Variants in CACNA1E observed in about 807,000 individuals in gnomAD.
CACNA1E encodes the protein calcium voltage-gated channel subunit alpha1 E, also known as voltage-dependent R-type calcium channel subunit alpha-1E.
CACNA1E carries 40 observed loss-of-function variants against 259.2 expected under a neutral mutation model. That is an observed-to-expected ratio of 0.15 (90% CI 0.12 to 0.20). The LOEUF is 0.20. CACNA1E is among the 10% of genes least tolerant of loss of function. The pLI is 1.00. For missense variants in CACNA1E, 1,874 were observed against 3,040.1 expected (o/e 0.62, Z 9.02); for synonymous variants, 1,104 against 1,138.5 (o/e 0.97, Z 0.61).
intron 6 of CACNA1E, among the ~76,000 whole-genome samples, chr1:181,645,712 A>C (rs1033850351): frequency 1.3e-5 from 2 of 152,218 alleles, no homozygotes; most frequent in Non-Finnish European, 2.9e-5. Flanking sequence ...TTGTGTGCTC[A>C]CTTGCTTCAT....
At chr1:181,394,036 T>C (rs758502692) in intron 1 of CACNA1E, among the ~76,000 whole-genome samples, 33 of 152,270 alleles carry the variant, frequency 2.2e-4, no homozygotes, top group Admixed American at 3.9e-4. Flanking sequence ...GCCTGTAAGG[T>C]ACCCTGCAAG....
At chr1:181,464,998 G>A (rs1473134404) in intron 2 of CACNA1E, among the ~76,000 whole-genome samples, 1 of 151,896 alleles carries the variant, frequency 6.6e-6, no homozygotes, top group African/African-American at 2.4e-5. Context: ...CCATTTTCTT[G>A]CAGACCATTC....
chr1:181,766,599 C>T lies in CACNA1E; in HGVS notation c.4869C>T (p.Ile1623=). The part of the protein sequence containing the change: ...LIAMLFFIYA[I]IGMQVFGNIK... The stretch of plus-strand genomic sequence containing the variant: ...CCATGCTTTTCTTCATTTATGCCAT[C>T]ATTGGGATGCAGGTGAGCTGGTAAA... Residue 1623 remains isoleucine, a synonymous_variant, in exon 35 of 48, where the codon ATC becomes ATT. Transcript: ENST00000367573. 2 of 1,612,350 alleles carry T rather than the reference C, an allele frequency of 1.2e-6. No homozygotes were observed. The highest frequency in any genetic ancestry group is 1.7e-6 in the Non-Finnish European group (2 of 1,178,608).
chr1:181,728,715 T>C (rs1025468431), intron 18 of CACNA1E, among the ~76,000 whole-genome samples: 5 of 152,008 alleles, frequency 3.3e-5, no homozygotes, highest in Non-Finnish European at 1.5e-5. Flanking sequence ...GTGTGTGCTC[T>C]GCACAGGTAT....
chr1:181,651,452 T>C lies in CACNA1E; in HGVS notation c.1055+11T>C. On this transcript the variant is annotated intron_variant, in intron 7 of 47. Coordinates refer to ENST00000367573, the MANE Select transcript of CACNA1E (RefSeq NM_001205293.3). The stretch of plus-strand genomic sequence containing the variant: ...GGGAGTGCTTTCCGGGTGAGCCAGA[T>C]GTTTCTCTCTTCTTAACTCATTTGC... 6.3e-7 allele frequency: 1 copy of C among 1,583,068 alleles called. No individual in the cohort carries two copies. The highest frequency in any genetic ancestry group is 8.7e-7 in the Non-Finnish European group (1 of 1,151,996).
chr1:181,571,469 G>A (rs1650403841), intron 3 of CACNA1E, among the ~76,000 whole-genome samples: 1 of 152,198 alleles, frequency 6.6e-6, no homozygotes, highest in Admixed American at 6.5e-5. Context: ...GAGATTTAAA[G>A]GAAGGGACAT....
intron 6 of CACNA1E, among the ~76,000 whole-genome samples, chr1:181,644,379 G>T (rs1238389372): frequency 1.3e-5 from 2 of 152,166 alleles, no homozygotes; most frequent in Admixed American, 1.3e-4. Flanking sequence ...TGATGAGTTG[G>T]ATGACTTGTT....
chr1:181,373,673 G>A (rs1299044936), intron 1 of CACNA1E, among the ~76,000 whole-genome samples: 1 of 151,806 alleles, frequency 6.6e-6, no homozygotes, highest in East Asian at 1.9e-4. Flanking sequence ...AAGTAGCTGG[G>A]ACTACAGGCG....
intron 43 of CACNA1E, 60 bp downstream of exon 43, chr1:181,785,879 T>G (rs1660810032): frequency 5.4e-6 from 6 of 1,104,052 alleles, no homozygotes; most frequent in Non-Finnish European, 6.8e-6. Flanking sequence ...CATGCTGTTG[T>G]GCAGACCCCA....
chr1:181,775,183 C>T (rs1209039979), intron 37 of CACNA1E, among the ~76,000 whole-genome samples: 1 of 152,196 alleles, frequency 6.6e-6, no homozygotes, highest in East Asian at 1.9e-4. Flanking sequence ...GGATCACCAA[C>T]CACTGTGCCC....
chr1:181,674,884 C>A (rs1473399024), intron 7 of CACNA1E, among the ~76,000 whole-genome samples: 1 of 152,228 alleles, frequency 6.6e-6, no homozygotes, highest in Non-Finnish European at 1.5e-5. Flanking sequence ...GGCAGGGTGA[C>A]TGCCTTTCTT....
At chr1:181,352,330 G>T (rs896024360) in intron 1 of CACNA1E, among the ~76,000 whole-genome samples, 1 of 152,144 alleles carries the variant, frequency 6.6e-6, no homozygotes, top group African/African-American at 2.4e-5. Flanking sequence ...GTGAGAGTGG[G>T]TGGGGAGGGG....
In CACNA1E at chr1:181,732,220, G is replaced by C. The variant is rs1655552744; in HGVS notation, c.2298-164G>C. ...CCTGCCTGATGAGCTCCTCACGTGT[G>C]GCCCGCCTGCTCCTCGCATCTTTCT... On this transcript the variant is annotated intron_variant, in intron 19 of 47. Transcript: ENST00000367573. This position sits in a 1 kb window ranked among gnomAD's most constrained non-coding sequence, Gnocchi z 5.5. Among the ~76,000 whole-genome samples, 1 of 152,144 alleles carries C rather than the reference G, an allele frequency of 6.6e-6. No homozygotes were observed. The highest frequency in any genetic ancestry group is 1.5e-5 in the Non-Finnish European group (1 of 68,012).
At position 181,595,704 on chromosome 1, in the gene CACNA1E, C is replaced by A. The variant is rs1653089300; in HGVS notation, c.951+14928C>A. Among the ~76,000 whole-genome samples, 3 of 152,154 alleles carry A rather than the reference C, an allele frequency of 2.0e-5. No homozygotes were observed. The East Asian group carries it at 5.8e-4, about 29-fold the overall frequency. ...CTGGCCAGGTCACCAAGATAACACT[C>A]CCCACAGGCGAGGGTATCCAGGGCT... On this transcript the variant is annotated intron_variant, in intron 6 of 47. Coordinates refer to ENST00000367573, the MANE Select transcript of CACNA1E (RefSeq NM_001205293.3).
At chr1:181,742,889 C>A (rs1275274121) in intron 25 of CACNA1E, among the ~76,000 whole-genome samples, 1 of 152,074 alleles carries the variant, frequency 6.6e-6, no homozygotes, top group African/African-American at 2.4e-5. Context: ...CATTAGGGAA[C>A]TTTATTGACT....
intron 1 of CACNA1E, among the ~76,000 whole-genome samples, chr1:181,489,323 C>T (rs1320095560): frequency 1.3e-5 from 2 of 152,080 alleles, no homozygotes; most frequent in Non-Finnish European, 2.9e-5. Context: ...TTTTTAGGTT[C>T]AGCCTTTGTG....
At chr1:181,733,326 C>T (rs1459059919) in intron 20 of CACNA1E, 111 bp from the exon 21 acceptor site, 1 of 971,792 alleles carries the variant, frequency 1.0e-6, no homozygotes, top group Non-Finnish European at 1.5e-6. Flanking sequence ...GCAGTGGTGG[C>T]CTTGTACCTT....
intron 1 of CACNA1E, among the ~76,000 whole-genome samples, chr1:181,323,124 A>G (rs113766108): frequency 1.3e-5 from 2 of 152,202 alleles, no homozygotes; most frequent in African/African-American, 4.8e-5. Flanking sequence ...TGTCTTGCAG[A>G]GAGTATCTGT....
At chr1:181,580,851 G>A in intron 6 of CACNA1E, 75 bp downstream of exon 6, 1 of 1,349,410 alleles carries the variant, frequency 7.4e-7, no homozygotes, top group Admixed American at 1.8e-5. Context: ...TGTTTGGCCT[G>A]GCTAGTCCGG....
Sources: allele counts gnomAD v4.1 joint callset (sites outside exome capture counted in the v4.1 genomes callset), GRCh38; gene constraint gnomAD v4.1.1; non-coding constraint Gnocchi (gnomAD v3.1); transcripts MANE v1.5; gene names NCBI Gene and HGNC (gene_info 2026-07-23, HGNC 2026-07-21).